The following TANK variants were observed in gnomAD, a reference collection of about 807,000 sequenced individuals.
The protein encoded by TANK is TRAF family member associated NFKB activator.
TANK carries 15 observed loss-of-function variants against 43.6 expected under a neutral mutation model. The ratio of observed to expected loss-of-function variants is 0.34; its 90% confidence interval spans 0.23 to 0.53. TANK has a LOEUF of 0.53. TANK is among the 20% of genes least tolerant of loss of function. The pLI, the probability that TANK is intolerant of heterozygous loss-of-function variation, is 0.94. For missense variants in TANK, 417 were observed against 498.6 expected (o/e 0.84, Z 1.56); for synonymous variants, 162 against 178.2 (o/e 0.91, Z 0.73).
At chr2:161,176,672 T>C (rs1685187349) in intron 1 of TANK, among the ~76,000 whole-genome samples, 1 of 152,160 alleles carries the variant, frequency 6.6e-6, no homozygotes, top group Non-Finnish European at 1.5e-5. Flanking sequence ...TTCTTAGAAA[T>C]TGGGTCCAAA....
intron 1 of TANK, among the ~76,000 whole-genome samples, chr2:161,176,134 G>C (rs1239939621): frequency 6.6e-6 from 1 of 152,130 alleles, no homozygotes; most frequent in Non-Finnish European, 1.5e-5. Flanking sequence ...CATTTTCCTG[G>C]AGTCTGGCAA....
chr2:161,153,782 C>CCT (rs1219294932), intron 1 of TANK, among the ~76,000 whole-genome samples: 2 of 151,976 alleles, frequency 1.3e-5, no homozygotes, highest in Non-Finnish European at 2.9e-5. Flanking sequence ...CTGCAGTCCT[C>CCT]CTGTAGGCCA....
intron 1 of TANK, among the ~76,000 whole-genome samples, chr2:161,178,955 T>TA (rs1453491035): frequency 1.3e-5 from 2 of 152,142 alleles, no homozygotes; most frequent in Non-Finnish European, 2.9e-5. Flanking sequence ...ACTGAGGTTA[T>TA]AAAACCAAAT....
intron 4 of TANK, chr2:161,207,585 A>G: frequency 1.0e-6 from 1 of 985,064 alleles, no homozygotes; most frequent in Non-Finnish European, 1.2e-6. Flanking sequence ...TGAATATTTG[A>G]GAGTTGGCTG....
intron 4 of TANK, among the ~76,000 whole-genome samples, chr2:161,214,980 T>G (rs1429514763): frequency 2.0e-5 from 3 of 152,182 alleles, no homozygotes; most frequent in Admixed American, 6.5e-5. Flanking sequence ...ATGCCTGCTC[T>G]TTGTCCAAGA....
intron 4 of TANK, among the ~76,000 whole-genome samples, chr2:161,215,491 A>T (rs1165875046): frequency 6.6e-6 from 1 of 152,200 alleles, no homozygotes; most frequent in African/African-American, 2.4e-5. Context: ...TTGTTAAAAG[A>T]TAGTTTGATA....
At chr2:161,141,846 A>G (rs766079435) in intron 1 of TANK, among the ~76,000 whole-genome samples, 1 of 152,160 alleles carries the variant, frequency 6.6e-6, no homozygotes, top group Non-Finnish European at 1.5e-5. Flanking sequence ...GTATATACCC[A>G]TTAATAGGAT....
Position 161,185,725 on chromosome 2 carries a change from G to C in TANK, c.99+5964G>C, listed in dbSNP as rs1297499116. ...TGGGGACTGTGGTGGGGTGGGGGGA[G>C]GGGGGAGGGATAGCATTGGGAGATA... On this transcript the variant is annotated intron_variant, in intron 2 of 7. Coordinates refer to ENST00000392749, the MANE Select transcript of TANK (RefSeq NM_001199135.3). 6.4e-5 allele frequency among the ~76,000 whole-genome samples: 7 copies of C among 109,020 alleles called. No individual in the cohort carries two copies. In the East Asian group the frequency reaches 1.7e-3, roughly 26 times the overall value. The allele number at this position is 109,020 out of a possible 152,430, so 71.5% of individuals were successfully genotyped here.
intron 2 of TANK, among the ~76,000 whole-genome samples, chr2:161,194,538 A>G (rs888835769): frequency 1.3e-5 from 2 of 152,168 alleles, no homozygotes; most frequent in Admixed American, 1.3e-4. Context: ...GCCTAAAATA[A>G]GAGTAAATTT....
intron 4 of TANK, among the ~76,000 whole-genome samples, chr2:161,205,781 T>C (rs1574035203): frequency 6.6e-6 from 1 of 152,146 alleles, no homozygotes; most frequent in African/African-American, 2.4e-5. Flanking sequence ...AGTTTGTTGT[T>C]GTTGTTGGTT....
At chr2:161,150,487 T>A (rs1238454547) in intron 1 of TANK, among the ~76,000 whole-genome samples, 1 of 152,092 alleles carries the variant, frequency 6.6e-6, no homozygotes, top group Admixed American at 6.5e-5. Context: ...TCTTCTCTAA[T>A]CTTTATTAGT....
chr2:161,150,603 T>C (rs1684047444), intron 1 of TANK, among the ~76,000 whole-genome samples: 1 of 141,982 alleles, frequency 7.0e-6, no homozygotes, highest in Non-Finnish European at 1.5e-5. Context: ...TTTTTTTTTT[T>C]TTTTTTCTTT....
intron 1 of TANK, among the ~76,000 whole-genome samples, chr2:161,154,923 T>G (rs1684183997): frequency 6.6e-6 from 1 of 152,046 alleles, no homozygotes; most frequent in Admixed American, 6.6e-5. Flanking sequence ...TTTTGTACTT[T>G]TAGTAGAGAT....
intron 2 of TANK, among the ~76,000 whole-genome samples, chr2:161,181,900 C>A (rs969841431): frequency 3.3e-5 from 5 of 151,872 alleles, no homozygotes; most frequent in East Asian, 1.9e-4. Flanking sequence ...AGTGAGAGAT[C>A]TTATGTTGGT....
At chr2:161,179,813 T>C in intron 2 of TANK, 52 bp downstream of exon 2, 1 of 1,560,242 alleles carries the variant, frequency 6.4e-7, no homozygotes, top group Non-Finnish European at 8.7e-7. Context: ...CATGGAATTT[T>C]AGAGCCTTTT....
intron 1 of TANK, among the ~76,000 whole-genome samples, chr2:161,145,413 A>G (rs781636953): frequency 1.5e-4 from 22 of 151,530 alleles, no homozygotes; most frequent in Non-Finnish European, 1.0e-4. Flanking sequence ...CAGTTTTTTC[A>G]TAGTGTCATT....
intron 2 of TANK, among the ~76,000 whole-genome samples, chr2:161,195,834 A>G (rs1403249841): frequency 6.6e-6 from 1 of 152,120 alleles, no homozygotes; most frequent in East Asian, 1.9e-4. Flanking sequence ...TAATACTAGC[A>G]CTTTTTTTGG....
intron 2 of TANK, among the ~76,000 whole-genome samples, chr2:161,201,526 G>C (rs879149678): frequency 6.6e-6 from 1 of 152,120 alleles, no homozygotes; most frequent in Non-Finnish European, 1.5e-5. Flanking sequence ...TCTCTGGACA[G>C]TATAATGTAT....
upstream of TANK, chr2:161,156,146 A>C (rs1173014023): frequency 4.1e-6 from 4 of 985,292 alleles, no homozygotes; most frequent in African/African-American, 7.0e-5. Context: ...TTTCTTCTTC[A>C]GGAAGAAGTT....
Sources: allele counts gnomAD v4.1 joint callset (sites outside exome capture counted in the v4.1 genomes callset), GRCh38; gene constraint gnomAD v4.1.1; transcripts MANE v1.5; gene names NCBI Gene and HGNC (gene_info 2026-07-23, HGNC 2026-07-21).